The following PLCB1 variants were observed in gnomAD, a reference collection of about 807,000 sequenced individuals.
The protein encoded by PLCB1 is 1-phosphatidylinositol 4,5-bisphosphate phosphodiesterase beta-1.
PLCB1 carries 46 observed loss-of-function variants against 161.8 expected under a neutral mutation model. The observed-to-expected ratio is 0.28, with a 90% CI of 0.22 to 0.36. PLCB1 has a LOEUF of 0.36. Ranked by LOEUF, PLCB1 falls within the 10% of genes least tolerant of loss-of-function variation. The pLI, the probability that PLCB1 is intolerant of heterozygous loss-of-function variation, is 1.00. For missense variants in PLCB1, 1,016 were observed against 1,472.5 expected, an observed-to-expected ratio of 0.69 and a Z score of 5.07; for synonymous variants, 517 against 503.7, an observed-to-expected ratio of 1.03 and a Z score of -0.35.
At chr20:8,281,850 C>A (rs1982890668) in intron 2 of PLCB1, among the ~76,000 whole-genome samples, 1 of 151,992 alleles carries the variant, frequency 6.6e-6, no homozygotes, top group African/African-American at 2.4e-5. Flanking sequence ...TGCTGTCTAC[C>A]TACTAACTCA....
At chr20:8,517,033 G>T (rs527563402) in intron 3 of PLCB1, among the ~76,000 whole-genome samples, 1 of 152,092 alleles carries the variant, frequency 6.6e-6, no homozygotes, top group Non-Finnish European at 1.5e-5. Context: ...CAGAGTGGGT[G>T]CTAGAGCTGA....
intron 3 of PLCB1, among the ~76,000 whole-genome samples, chr20:8,539,449 T>C (rs903758694): frequency 6.6e-6 from 1 of 152,210 alleles, no homozygotes; most frequent in African/African-American, 2.4e-5. Flanking sequence ...GCAATGATTC[T>C]ATGTGTAATC....
chr20:8,799,378 A>C (rs912188276), intron 31 of PLCB1, among the ~76,000 whole-genome samples: 4 of 152,208 alleles, frequency 2.6e-5, no homozygotes, highest in African/African-American at 9.7e-5. Flanking sequence ...CCTGCCATAC[A>C]TGAAAAGTCC....
At chr20:8,517,274 T>C (rs1984170239) in intron 3 of PLCB1, among the ~76,000 whole-genome samples, 1 of 152,032 alleles carries the variant, frequency 6.6e-6, no homozygotes, top group South Asian at 2.1e-4. Flanking sequence ...TATTGGAACA[T>C]AGAAAGATAT....
At chr20:8,866,985 G>A (rs943354647) in intron 31 of PLCB1, among the ~76,000 whole-genome samples, 2 of 152,066 alleles carry the variant, frequency 1.3e-5, no homozygotes, top group Non-Finnish European at 2.9e-5. Context: ...ACCCTAGGAC[G>A]GCTAACCACT....
chr20:8,284,848 T>C (rs1983039115), intron 2 of PLCB1, among the ~76,000 whole-genome samples: 1 of 152,098 alleles, frequency 6.6e-6, no homozygotes, highest in African/African-American at 2.4e-5. Flanking sequence ...TACTTGAGTT[T>C]GCTTTTCATA....
At chr20:8,272,052 G>T (rs1046006556) in intron 2 of PLCB1, among the ~76,000 whole-genome samples, 1 of 151,994 alleles carries the variant, frequency 6.6e-6, no homozygotes, top group Non-Finnish European at 1.5e-5. Flanking sequence ...TCACTTAGGC[G>T]TCTAATGGCT....
chr20:8,423,848 C>G (rs1330091301), intron 3 of PLCB1, among the ~76,000 whole-genome samples: 1 of 152,174 alleles, frequency 6.6e-6, no homozygotes, highest in African/African-American at 2.4e-5. Context: ...GGGTCCTAAT[C>G]ACACTCATCT....
intron 3 of PLCB1, among the ~76,000 whole-genome samples, chr20:8,479,768 A>T (rs1317009765): frequency 6.6e-6 from 1 of 152,100 alleles, no homozygotes; most frequent in Non-Finnish European, 1.5e-5. Flanking sequence ...GTGTGGTATG[A>T]CTCCTTCTCT....
chr20:8,450,124 A>G (rs766251475), intron 3 of PLCB1, among the ~76,000 whole-genome samples: 2 of 152,162 alleles, frequency 1.3e-5, no homozygotes, highest in Non-Finnish European at 1.5e-5. Flanking sequence ...TAGCATGACT[A>G]TTTCAAGATC....
intron 4 of PLCB1, among the ~76,000 whole-genome samples, chr20:8,644,851 G>A (rs1188695995): frequency 6.6e-6 from 1 of 152,172 alleles, no homozygotes; most frequent in Admixed American, 6.5e-5. Context: ...TTGAGAACGG[G>A]CCAGGATGAC....
intron 3 of PLCB1, among the ~76,000 whole-genome samples, chr20:8,469,447 A>AGTAATAT (rs1981958388): frequency 1.3e-5 from 2 of 152,268 alleles, no homozygotes; most frequent in South Asian, 4.1e-4. Context: ...CATTATGTCA[A>AGTAATAT]GTAATATTTT....
At chr20:8,233,734 C>G (rs1428834924) in intron 2 of PLCB1, among the ~76,000 whole-genome samples, 2 of 152,112 alleles carry the variant, frequency 1.3e-5, no homozygotes, top group African/African-American at 4.8e-5. Context: ...CACCCTGCTC[C>G]CTTCCTGAAT....
intron 3 of PLCB1, among the ~76,000 whole-genome samples, chr20:8,621,634 G>A (rs1294177204): frequency 3.9e-5 from 6 of 152,024 alleles, no homozygotes; most frequent in Non-Finnish European, 5.9e-5. Context: ...CTAAAATATC[G>A]CTAAACAAGG....
chr20:8,867,275 G>A (rs1207897074), intron 31 of PLCB1, among the ~76,000 whole-genome samples: 3 of 152,158 alleles, frequency 2.0e-5, no homozygotes, highest in African/African-American at 7.2e-5. Flanking sequence ...GCCAACACAA[G>A]GGCAGGACCC....
chr20:8,202,520 T>C (rs1357441331), intron 2 of PLCB1, among the ~76,000 whole-genome samples: 1 of 152,268 alleles, frequency 6.6e-6, no homozygotes, highest in Non-Finnish European at 1.5e-5. Flanking sequence ...CAGTGATATC[T>C]ATCTTTCTGT....
At chr20:8,185,999 G>A (rs184859239) in intron 2 of PLCB1, among the ~76,000 whole-genome samples, 53 of 152,262 alleles carry the variant, frequency 3.5e-4, no homozygotes, top group South Asian at 1.0e-3. Flanking sequence ...ACCTCAAAAC[G>A]TTGTTAGTAG....
intron 2 of PLCB1, among the ~76,000 whole-genome samples, chr20:8,198,335 C>T (rs920290450): frequency 6.6e-6 from 1 of 152,038 alleles, no homozygotes; most frequent in Non-Finnish European, 1.5e-5. Context: ...TTTTATTTCG[C>T]TGAGCAGTGG....
chr20:8,319,155 A>G (rs1269758474), intron 2 of PLCB1, among the ~76,000 whole-genome samples: 2 of 152,162 alleles, frequency 1.3e-5, no homozygotes, highest in Non-Finnish European at 2.9e-5. Flanking sequence ...CACAAAACCT[A>G]GTGTTGAAAT....
Sources: gnomAD v4.1 joint callset for allele counts (sites outside exome capture counted in the v4.1 genomes callset) on GRCh38, gnomAD v4.1.1 for gene constraint, MANE v1.5 for transcripts, NCBI Gene and HGNC (gene_info 2026-07-23, HGNC 2026-07-21) for gene names.